Variants in TTC7B observed in about 807,000 individuals in gnomAD.
TTC7B encodes the protein tetratricopeptide repeat domain 7B, also known as tetratricopeptide repeat protein 7B.
TTC7B carries 28 observed loss-of-function variants against 106.8 expected under a neutral mutation model. The ratio of observed to expected loss-of-function variants is 0.26; its 90% CI spans 0.19 to 0.36. The LOEUF (loss-of-function observed/expected upper bound fraction) is 0.36. TTC7B is among the 10% of genes least tolerant of loss of function. TTC7B has a pLI of 1.00. For missense variants in TTC7B, 862 were observed against 1,076.4 expected (o/e 0.80, Z 2.79); for synonymous variants, 405 against 430.6 (o/e 0.94, Z 0.74).
chr14:90,616,452 C>T (rs114419451), intron 16 of TTC7B, among the ~76,000 whole-genome samples: 4 of 152,042 alleles, frequency 2.6e-5, no homozygotes, highest in South Asian at 2.1e-4. Context: ...AGGGCGGGTG[C>T]GCCCAGCAGC....
intron 14 of TTC7B, chr14:90,645,251 C>T (rs1885387093): frequency 6.6e-6 from 1 of 152,224 alleles, no homozygotes; most frequent in Admixed American, 6.5e-5. Context: ...ATTACTTTTC[C>T]TCAATGAACT....
Position 90,571,624 on chromosome 14 carries a change from T to A in TTC7B, c.2310+6482A>T, listed in dbSNP as rs559774525. On this transcript the variant is annotated intron_variant, in intron 19 of 19. Coordinates refer to ENST00000328459, the MANE Select transcript of TTC7B (RefSeq NM_001010854.2). ...CACTGGACTATCATGAAGTTTTGTT[T>A]CCTGCCAGTCATTCTTTCTATGTAT... Among the ~76,000 whole-genome samples, 17 of 152,364 alleles carry A rather than the reference T, an allele frequency of 1.1e-4. No homozygotes were observed. The East Asian group carries it at 3.1e-3, about 28-fold the overall frequency.
At chr14:90,718,688 A>G (rs1017636465) in intron 5 of TTC7B, among the ~76,000 whole-genome samples, 2 of 152,008 alleles carry the variant, frequency 1.3e-5, no homozygotes, top group Non-Finnish European at 2.9e-5. Context: ...AACTACTTTT[A>G]CAGACAATAT....
intron 19 of TTC7B, among the ~76,000 whole-genome samples, chr14:90,563,289 C>T (rs138630001): frequency 1.4e-3 from 210 of 152,292 alleles, no homozygotes; most frequent in African/African-American, 4.8e-3. Context: ...AGCTCCAGGC[C>T]ACTGTAATCA....
At chr14:90,665,532 C>T (rs1490427452) in intron 9 of TTC7B, among the ~76,000 whole-genome samples, 6 of 152,178 alleles carry the variant, frequency 3.9e-5, no homozygotes, top group East Asian at 1.9e-4. Context: ...ACTGGGTGCG[C>T]GGCAGCGACA....
At chr14:90,743,244 C>G (rs529311244) in intron 4 of TTC7B, among the ~76,000 whole-genome samples, 28 of 152,296 alleles carry the variant, frequency 1.8e-4, no homozygotes, top group African/African-American at 6.3e-4. Flanking sequence ...GAGGCCAGGT[C>G]AAATGTTATT....
At chr14:90,691,505 G>A (rs1344924185) in intron 6 of TTC7B, among the ~76,000 whole-genome samples, 1 of 152,156 alleles carries the variant, frequency 6.6e-6, no homozygotes, top group African/African-American at 2.4e-5. Flanking sequence ...CCAATATCTA[G>A]AATACTTTTT....
At chr14:90,735,451 G>A (rs1330095853) in intron 4 of TTC7B, among the ~76,000 whole-genome samples, 2 of 151,282 alleles carry the variant, frequency 1.3e-5, no homozygotes, top group African/African-American at 4.9e-5. Context: ...AGGTTGCAGT[G>A]AGCTATGATC....
intron 5 of TTC7B, among the ~76,000 whole-genome samples, chr14:90,725,282 G>A (rs1185754069): frequency 6.6e-6 from 1 of 152,176 alleles, no homozygotes; most frequent in Non-Finnish European, 1.5e-5. Flanking sequence ...CTCACGTCCT[G>A]GCGGGCGCCC....
At chr14:90,810,953 G>A (rs1024059715) in intron 1 of TTC7B, among the ~76,000 whole-genome samples, 6 of 152,182 alleles carry the variant, frequency 3.9e-5, no homozygotes, top group African/African-American at 1.4e-4. Flanking sequence ...GGAAGTCGGG[G>A]GAATGAAGGC....
At chr14:90,758,598 A>G (rs972253279) in intron 3 of TTC7B, among the ~76,000 whole-genome samples, 2 of 152,146 alleles carry the variant, frequency 1.3e-5, no homozygotes, top group African/African-American at 2.4e-5. Context: ...GCGGCTGCCG[A>G]GGGGCTGCGG....
chr14:90,728,833 G>A (rs1430117762), intron 5 of TTC7B, among the ~76,000 whole-genome samples: 1 of 152,260 alleles, frequency 6.6e-6, no homozygotes, highest in Non-Finnish European at 1.5e-5. Flanking sequence ...CAAGGGCCGG[G>A]AGCTCCTCCG....
intron 3 of TTC7B, among the ~76,000 whole-genome samples, chr14:90,765,707 C>T (rs570898239): frequency 8.5e-5 from 13 of 152,286 alleles, no homozygotes; most frequent in African/African-American, 2.6e-4. Flanking sequence ...GCTGTGAACA[C>T]ATTCCTAGAG....
intron 1 of TTC7B, among the ~76,000 whole-genome samples, chr14:90,801,528 C>T (rs562883670): frequency 2.0e-5 from 3 of 152,168 alleles, no homozygotes; most frequent in East Asian, 1.9e-4. Context: ...CACAATGGAG[C>T]GGAGAGTGGA....
Position 90,617,862 on chromosome 14 carries a change from A to G in TTC7B, c.1868+67T>C. The G allele has an allele frequency of 4.0e-6, 5 of 1,254,130 alleles. No homozygotes were observed. The South Asian group carries it at 6.1e-5, about 15-fold the overall frequency. The allele number at this position is 1,254,130 out of a possible 1,614,324, so 77.7% of individuals were successfully genotyped here. On this transcript the variant is annotated intron_variant, in intron 16 of 19. Coordinates refer to ENST00000328459, the MANE Select transcript of TTC7B (RefSeq NM_001010854.2). Reference sequence around the variant, plus strand: ...AGTTAATGCCTGCTAAATGCCAATCAGAGAAGGCACTGATAGGCAGGGACC... The same window carrying G: ...AGTTAATGCCTGCTAAATGCCAATCGGAGAAGGCACTGATAGGCAGGGACC...
At chr14:90,690,249 A>C (rs987228832) in intron 6 of TTC7B, among the ~76,000 whole-genome samples, 7 of 152,142 alleles carry the variant, frequency 4.6e-5, no homozygotes, top group African/African-American at 1.7e-4. Flanking sequence ...CTGAGTGTCT[A>C]CTCTCAGTGC....
At chr14:90,607,383 G>T (rs1041151748) in intron 17 of TTC7B, among the ~76,000 whole-genome samples, 1 of 152,126 alleles carries the variant, frequency 6.6e-6, no homozygotes, top group Non-Finnish European at 1.5e-5. Flanking sequence ...TGTGTCGGAC[G>T]CCTGTGCCCT....
Position 90,766,978 on chromosome 14 carries a change from A to C in TTC7B, c.445+13760T>G, listed in dbSNP as rs1176980863. The C allele has an allele frequency of 3.7e-6, 5 of 1,351,724 alleles. No homozygotes were observed. The African/African-American group carries it at 7.2e-5, about 20-fold the overall frequency. 83.7% of individuals were successfully genotyped at this position (1,351,724 alleles called of 1,614,324 possible). On this transcript the variant is annotated intron_variant, in intron 3 of 19. Transcript: ENST00000328459. ...CCATGGCCGCACTGTGGGTGTGTCC[A>C]AGAAGAAATAAGTCTGTAGGCCTTG...
intron 15 of TTC7B, among the ~76,000 whole-genome samples, chr14:90,628,016 C>T (rs199508410): frequency 3.9e-5 from 6 of 152,288 alleles, no homozygotes; most frequent in East Asian, 1.9e-4. Context: ...TAATGCCATC[C>T]GTGAAGCCAG....
Sources: allele counts gnomAD v4.1 joint callset (sites outside exome capture counted in the v4.1 genomes callset), GRCh38; gene constraint gnomAD v4.1.1; transcripts MANE v1.5; gene names NCBI Gene and HGNC (gene_info 2026-07-23, HGNC 2026-07-21).